The following CRB1 variants were observed in gnomAD, a reference collection of about 807,000 sequenced individuals.
CRB1 encodes crumbs cell polarity complex component 1.
In CRB1, 83 loss-of-function variants were observed where a neutral mutation model predicts 120.0. The ratio of observed to expected loss-of-function variants is 0.69; its 90% confidence interval spans 0.58 to 0.83. The LOEUF (loss-of-function observed/expected upper bound fraction) is 0.83. Ranked by LOEUF, CRB1 falls within the 40% of genes least tolerant of loss-of-function variation. The probability of loss-of-function intolerance (pLI) is 0.00; values close to 1 mark genes in which losing one functional copy is unlikely to be tolerated. For synonymous variants in CRB1, 625 were observed against 612.5 expected (o/e 1.02, Z -0.30); for missense variants, 1,699 against 1,687.6 (o/e 1.01, Z -0.12).
intron 11 of CRB1, among the ~76,000 whole-genome samples, chr1:197,473,269 A>C (rs1235514337): frequency 6.6e-6 from 1 of 152,230 alleles, no homozygotes; most frequent in Non-Finnish European, 1.5e-5. Flanking sequence ...CCTTCAGAAG[A>C]AACAAGATGA....
rs376992575 is a variant in CRB1, at chr1:197,477,911, C to T, written c.*32C>T. 12 of 1,594,396 alleles carry T rather than the reference C, an allele frequency of 7.5e-6. No individual in the cohort carries two copies. Among genetic ancestry groups the T allele is most frequent in the African/African-American group, 2.7e-5 (2 of 74,662 alleles). On this transcript the variant is annotated 3_prime_UTR_variant, in exon 12 of 12. Transcript: ENST00000367400. ...TGTGTCCCTTCGAGATGGGGATCCA[C>T]ACACTGTGAATGTGATGACTGTACT... is the stretch of plus-strand genomic sequence containing the variant.
chr1:197,220,554 C>T, the CRB1 span, among the ~76,000 whole-genome samples: 14 of 152,260 alleles, frequency 9.2e-5, no homozygotes, highest in African/African-American at 2.6e-4. Flanking sequence ...GTAACTATTG[C>T]GTTTGCTTTC....
chr1:197,297,731 A>G (rs1474355555), intron 1 of CRB1, among the ~76,000 whole-genome samples: 1 of 152,174 alleles, frequency 6.6e-6, no homozygotes, highest in Non-Finnish European at 1.5e-5. Context: ...AGGTCCAGTC[A>G]TTTTAAATGA....
At chr1:197,230,929 T>C in the CRB1 span, among the ~76,000 whole-genome samples, 1 of 152,194 alleles carries the variant, frequency 6.6e-6, no homozygotes, top group Admixed American at 6.5e-5. Context: ...ATTAGAGATA[T>C]TAAAGATGAT....
At chr1:197,306,919 T>C (rs1429413877) in intron 1 of CRB1, among the ~76,000 whole-genome samples, 1 of 152,224 alleles carries the variant, frequency 6.6e-6, no homozygotes, top group Non-Finnish European at 1.5e-5. Flanking sequence ...TTGTTAGTTG[T>C]GTTTCTTAGC....
chr1:197,330,459 A>G (rs1658780376), intron 2 of CRB1, among the ~76,000 whole-genome samples: 1 of 152,144 alleles, frequency 6.6e-6, no homozygotes, highest in Admixed American at 6.5e-5. Flanking sequence ...GCACTTCACA[A>G]TTTGGGCCCA....
intron 11 of CRB1, among the ~76,000 whole-genome samples, chr1:197,473,190 A>G (rs1667054626): frequency 6.6e-6 from 1 of 152,202 alleles, no homozygotes; most frequent in Admixed American, 6.5e-5. Flanking sequence ...TAAGTATACT[A>G]AACAAGTATC....
intron 11 of CRB1, among the ~76,000 whole-genome samples, chr1:197,461,063 T>A (rs1321748119): frequency 6.6e-6 from 1 of 152,186 alleles, no homozygotes; most frequent in African/African-American, 2.4e-5. Flanking sequence ...ATGTAAATTA[T>A]CCATATTTGC....
At position 197,395,028 on chromosome 1, in the gene CRB1, G is replaced by C. The variant is rs1662703137; in HGVS notation, c.1172-25972G>C. Reference sequence around the variant, plus strand: ...CCATATGGTTGGCATAGTAACCCTGGGGTATTGTTACTGCTACCACCTTCT... The same window carrying C: ...CCATATGGTTGGCATAGTAACCCTGCGGTATTGTTACTGCTACCACCTTCT... On this transcript the variant is annotated intron_variant, in intron 5 of 11. Coordinates refer to ENST00000367400, the MANE Select transcript of CRB1 (RefSeq NM_201253.3). Among the ~76,000 whole-genome samples the C allele has an allele frequency of 3.3e-5, 5 of 152,166 alleles. No homozygotes were observed. In the South Asian group the frequency reaches 1.0e-3, roughly 32 times the overall value.
At chr1:197,415,500 A>T (rs1051303722) in intron 5 of CRB1, among the ~76,000 whole-genome samples, 11 of 152,162 alleles carry the variant, frequency 7.2e-5, no homozygotes, top group African/African-American at 2.7e-4. Context: ...TAAATTGTAC[A>T]TGCCAACCAG....
chr1:197,472,530 T>C (rs772279648), intron 11 of CRB1, among the ~76,000 whole-genome samples: 12 of 152,224 alleles, frequency 7.9e-5, no homozygotes, highest in Admixed American at 1.3e-4. Flanking sequence ...CAATGTTTCA[T>C]ATTTTTTCAG....
intron 11 of CRB1, among the ~76,000 whole-genome samples, chr1:197,445,331 C>T (rs1420575771): frequency 6.6e-6 from 1 of 152,086 alleles, no homozygotes; most frequent in Non-Finnish European, 1.5e-5. Flanking sequence ...TGTGTGCGTA[C>T]GTGGCAAGTG....
intron 5 of CRB1, chr1:197,364,133 A>G (rs941661319): frequency 2.2e-5 from 16 of 740,204 alleles, no homozygotes; most frequent in African/African-American, 3.5e-5. Flanking sequence ...GACACCCAGT[A>G]TGAAACCCTC....
intron 5 of CRB1, chr1:197,360,618 A>G (rs1043294766): frequency 6.6e-6 from 1 of 152,272 alleles, no homozygotes; most frequent in Non-Finnish European, 1.5e-5. Flanking sequence ...CCAAAGAGCT[A>G]GAACATAAAA....
intron 4 of CRB1, among the ~76,000 whole-genome samples, chr1:197,347,763 A>G (rs1020487019): frequency 6.6e-6 from 1 of 152,230 alleles, no homozygotes; most frequent in Non-Finnish European, 1.5e-5. Context: ...ATGGAGAAAA[A>G]TTCACTGGAA....
intron 5 of CRB1, among the ~76,000 whole-genome samples, chr1:197,405,539 C>G (rs904201915): frequency 8.2e-4 from 125 of 151,654 alleles, no homozygotes; most frequent in African/African-American, 2.9e-3. Context: ...GGCCGCCCAT[C>G]GTCTGGGACG....
At chr1:197,383,528 C>A (rs1014612129) in intron 5 of CRB1, among the ~76,000 whole-genome samples, 9 of 152,208 alleles carry the variant, frequency 5.9e-5, no homozygotes, top group Non-Finnish European at 5.9e-5. Context: ...TTGTTGAATT[C>A]TCAAATGTCC....
chr1:197,423,896 T>G (rs1197054985), intron 6 of CRB1, among the ~76,000 whole-genome samples: 1 of 152,144 alleles, frequency 6.6e-6, no homozygotes, highest in East Asian at 1.9e-4. Context: ...TGAAAAGGAT[T>G]TAACTAAGCT....
chr1:197,368,651 C>A (rs1661207401), intron 5 of CRB1, among the ~76,000 whole-genome samples: 1 of 152,162 alleles, frequency 6.6e-6, no homozygotes, highest in African/African-American at 2.4e-5. Flanking sequence ...GACCCTATGA[C>A]AGAGATAGAT....
Sources: allele counts gnomAD v4.1 joint callset (sites outside exome capture counted in the v4.1 genomes callset), GRCh38; gene constraint gnomAD v4.1.1; transcripts MANE v1.5; gene names NCBI Gene and HGNC (gene_info 2026-07-23, HGNC 2026-07-21).